CBFA2T2: variants seen among roughly 807,000 people sequenced by gnomAD.
CBFA2T2 encodes protein CBFA2T2.
A neutral mutation model predicts 62.2 loss-of-function variants in CBFA2T2; 11 were observed. The ratio of observed to expected loss-of-function variants is 0.18; its 90% CI spans 0.11 to 0.29. CBFA2T2 has a LOEUF of 0.29. Among genes scored for constraint, CBFA2T2 ranks in the 10% least tolerant of loss-of-function variants. The pLI is 1.00. For synonymous variants in CBFA2T2, 295 were observed against 287.5 expected, an observed-to-expected ratio of 1.03 and a Z score of -0.27; for missense variants, 592 against 774.1, an observed-to-expected ratio of 0.76 and a Z score of 2.79.
chr20:33,587,768 A>G (rs1181466434), intron 1 of CBFA2T2, among the ~76,000 whole-genome samples: 20 of 152,234 alleles, frequency 1.3e-4, no homozygotes, highest in Admixed American at 1.3e-3. Context: ...CTTCCAAGAC[A>G]AAAATTGAAT....
chr20:33,492,753 C>T (rs1057271422), intron 1 of CBFA2T2, among the ~76,000 whole-genome samples: 1 of 151,964 alleles, frequency 6.6e-6, no homozygotes, highest in Non-Finnish European at 1.5e-5. Flanking sequence ...TTGAGTAATC[C>T]TCCTTCCTCA....
At chr20:33,507,784 A>G (rs748000195) in intron 1 of CBFA2T2, among the ~76,000 whole-genome samples, 2 of 152,118 alleles carry the variant, frequency 1.3e-5, no homozygotes, top group African/African-American at 2.4e-5. Context: ...CCTTGTAGCA[A>G]TTGTCTTTTC....
rs1412976706 is a variant in CBFA2T2, at chr20:33,611,280, A to G, written c.365A>G (p.Asn122Ser). ...RFLTTLQQFG[N>S]DISPEIGEKV... ...CTTACCACTCTGCAACAGTTTGGCAATGACATCTCCCCTGAGATTGGGGAG... is the reference window on the plus strand; with the variant it reads ...CTTACCACTCTGCAACAGTTTGGCAGTGACATCTCCCCTGAGATTGGGGAG... The change falls in exon 3 of 11, where the codon AAT (asparagine) becomes AGT (serine). Residue 122 changes from asparagine (N) to serine (S), a missense_variant. Around this residue, in one of 3 missense-constraint regions of CBFA2T2, gnomAD observed 449 missense variants for 551.2 expected, o/e 0.81. Coordinates refer to ENST00000342704, the MANE Select transcript of CBFA2T2 (RefSeq NM_001032999.3). 50 of 1,614,092 alleles carry G rather than the reference A, an allele frequency of 3.1e-5. No homozygotes were observed. Among genetic ancestry groups the G allele is most frequent in the Non-Finnish European group, 4.2e-5 (49 of 1,180,042 alleles).
rs2015510217 is a variant in CBFA2T2 at position 33,611,116 on chromosome 20, T to C, written c.201T>C (p.Ser67=). ...PTALSNGINH[S]PPTLNGAPSP... ...TAGTAAGCAATGGCATCAACCATTC[T>C]CCTCCTACCCTGAATGGTGCCCCAT... Residue 67 remains serine (S), a synonymous_variant, in exon 3 of 11, where the codon TCT becomes TCC. Coordinates refer to ENST00000342704, the MANE Select transcript of CBFA2T2 (RefSeq NM_001032999.3). The C allele has an allele frequency of 6.2e-7, 1 of 1,614,136 alleles. No individual in the cohort carries two copies. The highest frequency in any genetic ancestry group is 1.1e-5 in the South Asian group (1 of 91,086).
At position 33,507,799 on chromosome 20, in the gene CBFA2T2, A is replaced by G. The variant is rs117229625; in HGVS notation, c.34+17498A>G. On this transcript the variant is annotated intron_variant, in intron 1 of 10. Transcript: ENST00000342704. The stretch of plus-strand genomic sequence containing the variant: ...CCTTGTAGCAATTGTCTTTTCATAG[A>G]TCTGTAGAGTAAATTCCTAGAAGTA... Among the ~76,000 whole-genome samples the G allele has an allele frequency of 3.3e-3, 495 of 152,190 alleles. 23 individuals carry two copies. The East Asian group carries it at 0.088, about 27-fold the overall frequency.
chr20:33,570,055 G>A (rs938234933), intron 1 of CBFA2T2, among the ~76,000 whole-genome samples: 7 of 152,138 alleles, frequency 4.6e-5, no homozygotes, highest in Non-Finnish European at 8.8e-5. Flanking sequence ...CAAGGCGGGC[G>A]ATCACCTGAA....
At chr20:33,516,494 G>A (rs1027257833) in intron 1 of CBFA2T2, among the ~76,000 whole-genome samples, 1 of 151,982 alleles carries the variant, frequency 6.6e-6, no homozygotes. Flanking sequence ...AAAAACTATA[G>A]CCAGGTGCAG....
intron 1 of CBFA2T2, among the ~76,000 whole-genome samples, chr20:33,566,330 C>T (rs748750811): frequency 4.0e-5 from 6 of 151,894 alleles, no homozygotes; most frequent in Non-Finnish European, 7.4e-5. Flanking sequence ...AGTGGCTGGG[C>T]GCCAGTAGCT....
intron 1 of CBFA2T2, among the ~76,000 whole-genome samples, chr20:33,580,950 G>A (rs1409439884): frequency 6.6e-6 from 1 of 152,172 alleles, no homozygotes; most frequent in Non-Finnish European, 1.5e-5. Context: ...GAATGAAAAT[G>A]TTTCCTGAAG....
At chr20:33,560,463 C>T (rs2013043731) in intron 1 of CBFA2T2, among the ~76,000 whole-genome samples, 1 of 152,196 alleles carries the variant, frequency 6.6e-6, no homozygotes, top group African/African-American at 2.4e-5. Context: ...GGCCCTTTAA[C>T]ATAGGACCTT....
intron 1 of CBFA2T2, among the ~76,000 whole-genome samples, chr20:33,512,750 CTTTTT>C (rs1219735208): frequency 1.5e-5 from 2 of 137,252 alleles, no homozygotes; most frequent in Non-Finnish European, 3.2e-5. Flanking sequence ...GTATGTATGT[CTTTTT>C]TTTTTTTTTT....
chr20:33,490,264 G>A lies in CBFA2T2; in HGVS notation c.-4G>A, dbSNP rs747754698. 1.4e-5 allele frequency: 18 copies of A among 1,246,090 alleles called. No homozygotes were observed. Among genetic ancestry groups the A allele is most frequent in the Non-Finnish European group, 1.7e-5 (17 of 996,056 alleles). The allele number at this position is 1,246,090 out of a possible 1,614,324, so 77.2% of individuals were successfully genotyped here. A position where few individuals can be genotyped will look rare whatever the true frequency, so the allele number is the denominator to read the frequency against. On this transcript the variant is annotated 5_prime_UTR_variant, in exon 1 of 11. Coordinates refer to ENST00000342704, the MANE Select transcript of CBFA2T2 (RefSeq NM_001032999.3). The stretch of plus-strand genomic sequence containing the variant: ...CGGGCGGCGCGCGGCGGCGGCGCTC[G>A]GCGATGGTAGGCGTCCCTGGAGCGG...
chr20:33,494,171 G>A (rs558232309), intron 1 of CBFA2T2, among the ~76,000 whole-genome samples: 2 of 146,208 alleles, frequency 1.4e-5, no homozygotes, highest in South Asian at 2.1e-4. Flanking sequence ...GTGAGCTACC[G>A]CGCCTGGCCT....
intron 3 of CBFA2T2, 61 bp from the exon 4 acceptor site, chr20:33,619,456 T>TG (rs2015849616): frequency 1.2e-6 from 1 of 819,006 alleles, no homozygotes; most frequent in African/African-American, 1.8e-5. Context: ...AAGAAGAGTT[T>TG]GGCACTATAA....
At position 33,564,942 on chromosome 20, in the gene CBFA2T2, C is replaced by T. The variant is rs1378181788; in HGVS notation, c.35-42014C>T. ...CTTTTCTTTTCTTTTCTTTTTGAGA[C>T]GGAGTCTCGCTCTGTCACCCAGGCT... On this transcript the variant is annotated intron_variant, in intron 1 of 10. Transcript: ENST00000342704. Among the ~76,000 whole-genome samples the T allele has an allele frequency of 3.3e-5, 5 of 151,920 alleles. No individual in the cohort carries two copies. In the East Asian group the frequency reaches 5.8e-4, roughly 18 times the overall value.
chr20:33,514,626 T>G (rs2011569228), intron 1 of CBFA2T2, among the ~76,000 whole-genome samples: 1 of 152,054 alleles, frequency 6.6e-6, no homozygotes, highest in Non-Finnish European at 1.5e-5. Context: ...CTGAATGAAA[T>G]CAGTTTTGAG....
chr20:33,611,523 T>G (rs2015528473), intron 3 of CBFA2T2, among the ~76,000 whole-genome samples, 188 bp downstream of exon 3: 1 of 152,062 alleles, frequency 6.6e-6, no homozygotes, highest in Non-Finnish European at 1.5e-5. Context: ...TTTCTTTTCT[T>G]CTTTCTTTTT....
intron 10 of CBFA2T2, 123 bp downstream of exon 10, chr20:33,640,654 T>A (rs2122390767): frequency 1.2e-6 from 1 of 807,024 alleles, no homozygotes; most frequent in Non-Finnish European, 2.0e-6. Context: ...GAGGATAATT[T>A]TTATCCAGTG....
In CBFA2T2 at chr20:33,633,385, TAAA is replaced by T. The variant is rs1568867935; in HGVS notation, c.1229-3254_1229-3252del. Among the ~76,000 whole-genome samples the T allele has an allele frequency of 6.4e-3, 897 of 140,126 alleles. 6 individuals carry two copies. The highest frequency in any genetic ancestry group is 0.026 in the African/African-American group (838 of 32,792). 91.9% of individuals were successfully genotyped at this position (140,126 alleles called of 152,430 possible). On this transcript the variant is annotated intron_variant, in intron 8 of 10. Transcript: ENST00000342704. ...GACTCTGTCGCAAAAAAAAAATAAATAAATAAATAAATAAATAAAAGTCTTGGG... is the reference window on the plus strand; with the variant it reads ...GACTCTGTCGCAAAAAAAAAATAAATTAAATAAATAAATAAAAGTCTTGGG...
Sources: gnomAD v4.1 joint callset for allele counts (sites outside exome capture counted in the v4.1 genomes callset) on GRCh38, gnomAD v4.1.1 for gene constraint, gnomAD v4.1.1 regional missense constraint, MANE v1.5 for transcripts, NCBI Gene and HGNC (gene_info 2026-07-23, HGNC 2026-07-21) for gene names.